MPP4: variants seen among roughly 807,000 people sequenced by gnomAD.
MPP4 encodes MAGUK p55 scaffold protein 4, also known as MAGUK p55 subfamily member 4.
A neutral mutation model predicts 98.3 loss-of-function variants in MPP4; 91 were observed. The observed-to-expected ratio is 0.93, with a 90% CI of 0.78 to 1.10. The LOEUF (loss-of-function observed/expected upper bound fraction) is 1.10, where lower values mean the gene tolerates loss of function less well. Ranked by LOEUF, MPP4 falls within the 50% of genes least tolerant of loss-of-function variation. The pLI is 0.00. For synonymous variants in MPP4, 261 were observed against 271.8 expected (o/e 0.96, Z 0.39); for missense variants, 744 against 792.9 (o/e 0.94, Z 0.74).
chr2:201,665,751 C>T (rs1422396436), intron 13 of MPP4: 4 of 152,168 alleles, frequency 2.6e-5, no homozygotes, highest in African/African-American at 9.7e-5. Context: ...GACAGATTCA[C>T]CTGTCAGACT....
intron 15 of MPP4, 84 bp from the exon 16 acceptor site, chr2:201,658,602 T>C (rs1687925267): frequency 7.8e-7 from 1 of 1,277,966 alleles, no homozygotes; most frequent in Admixed American, 2.2e-5. Flanking sequence ...TTTTCAACTT[T>C]TCAAGTGACC....
chr2:201,668,472 CT>C (rs1688245649), intron 12 of MPP4, among the ~76,000 whole-genome samples: 1 of 151,378 alleles, frequency 6.6e-6, no homozygotes, highest in African/African-American at 2.4e-5. Flanking sequence ...CTCTTCTCTT[CT>C]CTTCCTCTCT....
chr2:201,694,671 G>A (rs2105952324), intron 1 of MPP4, among the ~76,000 whole-genome samples: 1 of 117,042 alleles, frequency 8.5e-6, no homozygotes, highest in South Asian at 3.0e-4. Flanking sequence ...GCTGAAGTGT[G>A]GTGGCATGAT....
chr2:201,649,578 G>A lies in MPP4; in HGVS notation c.1582C>T (p.Gln528Ter). 1 of 1,596,404 alleles carries A rather than the reference G, an allele frequency of 6.3e-7. No individual in the cohort carries two copies. Among genetic ancestry groups the A allele is most frequent in the Non-Finnish European group, 8.5e-7 (1 of 1,170,096 alleles). ...GKICVMDLEP[Q>*]DIQGVRTHEL... ...TAAATATTCCACCATGGACCCACCT[G>A]AGGCTCTAGGTCCATGACACAGATC... Residue 528 changes from glutamine (Q) to a stop codon, truncating the protein, a stop_gained and splice_region_variant, in exon 20 of 22, where the codon CAG becomes TAG. Transcript: ENST00000409474. LOFTEE classifies it high-confidence loss of function.
intron 16 of MPP4, 90 bp downstream of exon 16, chr2:201,658,387 T>C (rs1175785239): frequency 9.1e-7 from 1 of 1,098,950 alleles, no homozygotes; most frequent in East Asian, 2.5e-5. Flanking sequence ...GAAATGTTCA[T>C]TAGCAAAAGA....
In MPP4 at chr2:201,647,704, T is replaced by A. The variant is rs1350144719; in HGVS notation, c.1706A>T (p.Asp569Val). Residue 569 changes from aspartate to valine, a missense_variant, in exon 21 of 22, where the codon GAC becomes GTC. Physicochemically the swap from Asp to Val is radical, Grantham distance 152. Coordinates refer to ENST00000409474, the MANE Select transcript of MPP4 (RefSeq NM_033066.3). ...ACTTGCTCTTACCTTGAACTTCATG[T>A]CCACATAGTAGTCAGTAATAACCTT... ...NAKVITDYYVDMKFKDEDLQE... is the reference protein window; with the variant it reads ...NAKVITDYYVVMKFKDEDLQE... The A allele has an allele frequency of 6.2e-7, 1 of 1,613,428 alleles. No individual in the cohort carries two copies. The highest frequency in any genetic ancestry group is 8.5e-7 in the Non-Finnish European group (1 of 1,179,500).
At position 201,666,340 on chromosome 2, in the gene MPP4, C is replaced by A; in HGVS notation, c.1045G>T (p.Glu349Ter). The change falls in exon 13 of 22, where the codon GAA becomes TAA. Residue 349 changes from glutamate (E) to a stop codon, truncating the protein, a stop_gained. Coordinates refer to ENST00000409474, the MANE Select transcript of MPP4 (RefSeq NM_033066.3). LOFTEE classifies it high-confidence loss of function. ...AATCAAGAGAAAATGTTACCTGCTT[C>A]CACACATTTCTCATCAATCTTCATG... ...DDMKIDEKCV[E>*]ADEETFESEE... 1 of 1,556,792 alleles carries A rather than the reference C, an allele frequency of 6.4e-7. No individual in the cohort carries two copies. The highest frequency in any genetic ancestry group is 8.7e-7 in the Non-Finnish European group (1 of 1,150,430).
intron 1 of MPP4, among the ~76,000 whole-genome samples, chr2:201,695,389 C>T (rs1264960158): frequency 6.6e-6 from 1 of 152,178 alleles, no homozygotes; most frequent in Non-Finnish European, 1.5e-5. Context: ...TTCAAATGTC[C>T]CACTGAACTA....
intron 11 of MPP4, among the ~76,000 whole-genome samples, chr2:201,670,787 A>T (rs758373746): frequency 6.6e-6 from 1 of 152,262 alleles, no homozygotes; most frequent in Admixed American, 6.5e-5. Flanking sequence ...GAATAGGAAT[A>T]GCTCTGGTCT....
intron 20 of MPP4, among the ~76,000 whole-genome samples, chr2:201,648,445 TA>T (rs1231096039): frequency 6.6e-6 from 1 of 152,182 alleles, no homozygotes; most frequent in Non-Finnish European, 1.5e-5. Context: ...TCCTCAATTC[TA>T]AAAAACAAAT....
Position 201,675,204 on chromosome 2 carries a change from C to A in MPP4, c.994+3G>T, listed in dbSNP as rs1688471276. ...GAACCTGTCGGGCAGTTGCAATACT[C>A]ACATAGGGTTGACTTGAGGCAGGTG... On this transcript the variant is annotated splice_donor_region_variant and intron_variant, in intron 11 of 21. Coordinates refer to ENST00000409474, the MANE Select transcript of MPP4 (RefSeq NM_033066.3). The A allele has an allele frequency of 3.7e-6, 6 of 1,606,076 alleles. No homozygotes were observed. The highest frequency in any genetic ancestry group is 5.1e-6 in the Non-Finnish European group (6 of 1,176,426).
chr2:201,681,445 G>C, intron 9 of MPP4, 51 bp downstream of exon 9: 1 of 1,405,824 alleles, frequency 7.1e-7, no homozygotes, highest in South Asian at 1.2e-5. Context: ...TTTAGTTGCT[G>C]TTACTTGGGG....
At chr2:201,657,249 A>G (rs1212506636) in intron 16 of MPP4, among the ~76,000 whole-genome samples, 1 of 152,124 alleles carries the variant, frequency 6.6e-6, no homozygotes, top group African/African-American at 2.4e-5. Context: ...AGACACAGAC[A>G]GGTTAGGTGG....
chr2:201,696,462 A>C (rs139373496), intron 1 of MPP4, among the ~76,000 whole-genome samples: 267 of 152,266 alleles, frequency 1.8e-3, no homozygotes, highest in African/African-American at 5.6e-3. Context: ...TGACTCTTAA[A>C]ATTGGTTCCC....
rs756895965 is a variant in MPP4, at chr2:201,685,928, T to C, written c.483A>G (p.Gln161=). The change falls in exon 6 of 22, where the codon CAA becomes CAG. Residue 161 remains glutamine, a synonymous_variant. Coordinates refer to ENST00000409474, the MANE Select transcript of MPP4 (RefSeq NM_033066.3). ...AAAATGATTTCCTTACCAGGGGCTGTTGGTTTTTCACTAAACAAACAATCC... is the reference window on the plus strand; with the variant it reads ...AAAATGATTTCCTTACCAGGGGCTGCTGGTTTTTCACTAAACAAACAATCC... ...AMRIVCLVKN[Q]QPLGATIKRH... The C allele has an allele frequency of 1.1e-5, 18 of 1,611,344 alleles. No individual in the cohort carries two copies. In the Admixed American group the frequency reaches 1.3e-4, roughly 12 times the overall value.
chr2:201,686,568 G>A (rs956914537), intron 5 of MPP4, among the ~76,000 whole-genome samples: 9 of 152,174 alleles, frequency 5.9e-5, no homozygotes, highest in Admixed American at 1.3e-4. Flanking sequence ...TGATCAAAGA[G>A]TTTCTTTGAC....
At chr2:201,683,575 T>C (rs1188594519) in intron 7 of MPP4, among the ~76,000 whole-genome samples, 1 of 151,784 alleles carries the variant, frequency 6.6e-6, no homozygotes, top group Non-Finnish European at 1.5e-5. Context: ...TTGATGACAC[T>C]CTGTCTGTAC....
chr2:201,666,649 G>A (rs765511306), intron 12 of MPP4: 9 of 219,266 alleles, frequency 4.1e-5, no homozygotes, highest in South Asian at 1.2e-4. Context: ...GTTTGAACCC[G>A]GGAGGCAGAG....
intron 4 of MPP4, among the ~76,000 whole-genome samples, chr2:201,689,246 A>C (rs2105946610): frequency 6.6e-6 from 1 of 152,118 alleles, no homozygotes; most frequent in South Asian, 2.1e-4. Flanking sequence ...AATTGCTTGA[A>C]CCCAGGAGGC....
Sources: allele counts gnomAD v4.1 joint callset (sites outside exome capture counted in the v4.1 genomes callset), GRCh38; gene constraint gnomAD v4.1.1; transcripts MANE v1.5; gene names NCBI Gene and HGNC (gene_info 2026-07-23, HGNC 2026-07-21).